MYH11: variants seen among roughly 807,000 people sequenced by gnomAD.
MYH11 encodes the protein myosin-11.
In MYH11, 80 loss-of-function variants were observed where a neutral mutation model predicts 246.6. The ratio of observed to expected loss-of-function variants is 0.32; its 90% CI spans 0.27 to 0.39. The LOEUF is 0.39. Among genes scored for constraint, MYH11 ranks in the 10% least tolerant of loss-of-function variants. The pLI is 1.00. For missense variants in MYH11, 2,158 were observed against 2,546.8 expected, an observed-to-expected ratio of 0.85 and a Z score of 3.29; for synonymous variants, 1,071 against 1,015.5, an observed-to-expected ratio of 1.05 and a Z score of -1.04.
At position 15,755,216 on chromosome 16, in the gene MYH11, A is replaced by G. The variant is rs1249436950; in HGVS notation, c.1749+1125T>C. On this transcript the variant is annotated intron_variant, in intron 14 of 40. Transcript: ENST00000300036. ...AGAATACTACAATTCTGCAAGCCAGACTAAGCTATGTCCTTTGTACATTAT... is the reference window on the plus strand; with the variant it reads ...AGAATACTACAATTCTGCAAGCCAGGCTAAGCTATGTCCTTTGTACATTAT... Among the ~76,000 whole-genome samples the G allele has an allele frequency of 2.6e-5, 4 of 152,228 alleles. No individual in the cohort carries two copies. The East Asian group carries it at 5.8e-4, about 22-fold the overall frequency.
At position 15,720,587 on chromosome 16, in the gene MYH11, G is replaced by GA. The variant is rs79015002; in HGVS notation, c.4791+251dup. ...AACATGGTGAAACCTTGTCTCCACT[G>GA]AAAAAAAAAAAAAAATTAGCTAGGT... On this transcript the variant is annotated intron_variant, in intron 33 of 40. Transcript: ENST00000300036. Among the ~76,000 whole-genome samples the GA allele has an allele frequency of 0.025, 3,430 of 138,608 alleles. 121 individuals are homozygous for GA. Among genetic ancestry groups the GA allele is most frequent in the East Asian group, 0.18 (869 of 4,820 alleles). 90.9% of individuals were successfully genotyped at this position (138,608 alleles called of 152,430 possible). A position where few individuals can be genotyped will look rare whatever the true frequency, so the allele number is the denominator to read the frequency against.
intron 9 of MYH11, among the ~76,000 whole-genome samples, chr16:15,766,181 A>T (rs550609996): frequency 6.6e-6 from 1 of 152,250 alleles, no homozygotes; most frequent in South Asian, 2.1e-4. Context: ...AAAGCCAACT[A>T]ATGAGGACTG....
Position 15,732,651 on chromosome 16 carries a change from C to T in MYH11, c.3564G>A (p.Arg1188=), listed in dbSNP as rs1164953940. The T allele has an allele frequency of 6.2e-7, 1 of 1,614,232 alleles. No homozygotes were observed. The highest frequency in any genetic ancestry group is 1.1e-5 in the South Asian group (1 of 91,086). ...VLKKALDEET[R]SHEAQVQEMR... ...TCTCCTGGACCTGAGCCTCATGGGA[C>T]CGCGTCTCTTCATCCAGGGCCTTCT... Residue 1188 remains arginine, a synonymous_variant, in exon 27 of 41, where the codon CGG becomes CGA. Transcript: ENST00000300036.
rs76518993 is a variant in MYH11 at position 15,800,645 on chromosome 16, G to A, written c.503-1958C>T. Among the ~76,000 whole-genome samples the A allele has an allele frequency of 6.5e-3, 948 of 146,506 alleles. 20 individuals carry two copies. The East Asian group carries it at 0.071, about 11-fold the overall frequency. On this transcript the variant is annotated intron_variant, in intron 3 of 40. Coordinates refer to ENST00000300036, the MANE Select transcript of MYH11 (RefSeq NM_002474.3). ...GATGGATGGATGGATGGATGGATGGGAATATGAATGGGAGGATGGATGGGA... is the reference window on the plus strand; with the variant it reads ...GATGGATGGATGGATGGATGGATGGAAATATGAATGGGAGGATGGATGGGA...
In MYH11 at chr16:15,720,140, G is replaced by A. The variant is rs760184952; in HGVS notation, c.4953+11C>T. 2 of 1,614,060 alleles carry A rather than the reference G, an allele frequency of 1.2e-6. No homozygotes were observed. Among genetic ancestry groups the A allele is most frequent in the South Asian group, 2.2e-5 (2 of 91,080 alleles). On this transcript the variant is annotated intron_variant, in intron 34 of 40. Transcript: ENST00000300036. ...CCTCCACCCATGCCCCAAGCTCCTA[G>A]TGTCACCCACCTGCAGTTTGCGTAG...
At chr16:15,731,199 GT>G (rs1227771791) in intron 27 of MYH11, among the ~76,000 whole-genome samples, 1 of 152,174 alleles carries the variant, frequency 6.6e-6, no homozygotes, top group Non-Finnish European at 1.5e-5. Flanking sequence ...CTCCCCGAAA[GT>G]GTTGTTACAC....
chr16:15,822,853 G>T (rs1477245061), intron 3 of MYH11, among the ~76,000 whole-genome samples: 1 of 152,262 alleles, frequency 6.6e-6, no homozygotes, highest in Non-Finnish European at 1.5e-5. Flanking sequence ...TTTGACAAAT[G>T]AGGAAACTGA....
At chr16:15,731,238 T>G (rs979691988) in intron 27 of MYH11, among the ~76,000 whole-genome samples, 4 of 152,204 alleles carry the variant, frequency 2.6e-5, no homozygotes, top group African/African-American at 9.6e-5. Flanking sequence ...GGGCAGTATA[T>G]TGATAGGCCC....
intron 1 of MYH11, among the ~76,000 whole-genome samples, chr16:15,850,300 G>A (rs1348902488): frequency 1.3e-5 from 2 of 152,118 alleles, no homozygotes; most frequent in East Asian, 1.9e-4. Context: ...AAGGAGAATC[G>A]CTTGAACCCA....
At position 15,750,803 on chromosome 16, in the gene MYH11, A is replaced by C. The variant is rs2041546115; in HGVS notation, c.1865-472T>G. Among the ~76,000 whole-genome samples, 1 of 152,164 alleles carries C rather than the reference A, an allele frequency of 6.6e-6. No homozygotes were observed. The highest frequency in any genetic ancestry group is 1.5e-5 in the Non-Finnish European group (1 of 68,022). On this transcript the variant is annotated intron_variant, in intron 15 of 40. Coordinates refer to ENST00000300036, the MANE Select transcript of MYH11 (RefSeq NM_002474.3). The surrounding 1 kb of genome is among the most constrained non-coding windows in gnomAD (Gnocchi z 4.3). ...CTGGGGACACTGCTGTGAACAAAAA[A>C]AGACCCGGCCCCCTCACCCCGCTTA...
Position 15,787,586 on chromosome 16 carries a change from G to C in MYH11, c.531-854C>G, listed in dbSNP as rs370381959. 8.2e-5 allele frequency among the ~76,000 whole-genome samples: 12 copies of C among 145,620 alleles called. No homozygotes were observed. The South Asian group carries it at 8.7e-4, about 11-fold the overall frequency. On this transcript the variant is annotated intron_variant, in intron 4 of 40. Coordinates refer to ENST00000300036, the MANE Select transcript of MYH11 (RefSeq NM_002474.3). ...CAAGCTCCACCTCCCTGGTTCTCCT[G>C]CCTCAGCCTCCCAAGTAGCTGGGAC... is the stretch of plus-strand genomic sequence containing the variant.
At chr16:15,830,260 G>A (rs1401709339) in intron 2 of MYH11, among the ~76,000 whole-genome samples, 1 of 152,160 alleles carries the variant, frequency 6.6e-6, no homozygotes, top group African/African-American at 2.4e-5. Flanking sequence ...GCTTCTTTAT[G>A]AAGCTGCAGT....
At chr16:15,714,425 GA>G (rs1223597440) in intron 40 of MYH11, 1 of 193,280 alleles carries the variant, frequency 5.2e-6, no homozygotes, top group African/African-American at 2.3e-5. Context: ...ACTTTTCAGG[GA>G]TCTTTTTCCT....
chr16:15,829,798 C>CAGGGAGGGA (rs1466606222), intron 2 of MYH11, among the ~76,000 whole-genome samples: 1 of 152,084 alleles, frequency 6.6e-6, no homozygotes, highest in African/African-American at 2.4e-5. Flanking sequence ...AAATGAGGAA[C>CAGGGAGGGA]AGGGAGGGAA....
At chr16:15,795,553 G>A (rs909790890) in intron 4 of MYH11, among the ~76,000 whole-genome samples, 1 of 152,232 alleles carries the variant, frequency 6.6e-6, no homozygotes, top group Non-Finnish European at 1.5e-5. Flanking sequence ...GGAGGTTGCT[G>A]TGAGCCAAGA....
intron 1 of MYH11, among the ~76,000 whole-genome samples, chr16:15,844,982 C>G (rs766353277): frequency 2.0e-5 from 3 of 152,204 alleles, no homozygotes; most frequent in Admixed American, 6.5e-5. Flanking sequence ...GTTGCCTCCT[C>G]TTGAGAGGTA....
intron 40 of MYH11, among the ~76,000 whole-genome samples, chr16:15,709,069 A>G (rs999801832): frequency 6.6e-6 from 1 of 151,940 alleles, no homozygotes; most frequent in African/African-American, 2.4e-5. Flanking sequence ...CAGCCTCCCG[A>G]GTAGCTGGGA....
intron 2 of MYH11, among the ~76,000 whole-genome samples, chr16:15,833,307 A>C (rs868546924): frequency 1.3e-5 from 2 of 151,766 alleles, no homozygotes; most frequent in Non-Finnish European, 2.9e-5. Flanking sequence ...AAAAGAAAGA[A>C]AAAGAAAAAA....
chr16:15,829,849 G>C (rs2043681695), intron 2 of MYH11, among the ~76,000 whole-genome samples: 1 of 152,106 alleles, frequency 6.6e-6, no homozygotes, highest in Non-Finnish European at 1.5e-5. Flanking sequence ...AGACACACAG[G>C]GATGGCCGGG....
Sources: allele counts gnomAD v4.1 joint callset (sites outside exome capture counted in the v4.1 genomes callset), GRCh38; gene constraint gnomAD v4.1.1; non-coding constraint Gnocchi (gnomAD v3.1); transcripts MANE v1.5; gene names NCBI Gene and HGNC (gene_info 2026-07-23, HGNC 2026-07-21).